TMEM108: variants seen among roughly 807,000 people sequenced by gnomAD.
The protein encoded by TMEM108 is transmembrane protein 108.
A neutral mutation model predicts 35.1 loss-of-function variants in TMEM108; 12 were observed. The ratio of observed to expected loss-of-function variants is 0.34; its 90% CI spans 0.22 to 0.55. The LOEUF (loss-of-function observed/expected upper bound fraction) is 0.55. Ranked by LOEUF, TMEM108 falls within the 20% of genes least tolerant of loss-of-function variation. The probability of loss-of-function intolerance (pLI) is 0.89; values close to 1 mark genes in which losing one functional copy is unlikely to be tolerated. For synonymous variants in TMEM108, 287 were observed against 308.6 expected (o/e 0.93, Z 0.73); for missense variants, 680 against 753.3 (o/e 0.90, Z 1.14).
At chr3:133,324,562 T>G (rs2071306288) in intron 3 of TMEM108, among the ~76,000 whole-genome samples, 1 of 152,224 alleles carries the variant, frequency 6.6e-6, no homozygotes, top group Admixed American at 6.5e-5. Flanking sequence ...ACTTTTACAC[T>G]GTTGGTGGAA....
intron 3 of TMEM108, among the ~76,000 whole-genome samples, chr3:133,296,306 A>T (rs1395281780): frequency 6.6e-6 from 1 of 152,220 alleles, no homozygotes; most frequent in Admixed American, 6.5e-5. Flanking sequence ...ATCTGCCCCC[A>T]GAGCCCTTGC....
chr3:133,052,533 C>T (rs1168891417), intron 2 of TMEM108, among the ~76,000 whole-genome samples: 8 of 128,460 alleles, frequency 6.2e-5, no homozygotes, highest in Non-Finnish European at 9.9e-5. Context: ...ACTTCTAGTA[C>T]AATGTTTGAA....
At chr3:133,091,176 G>A (rs1050848420) in intron 2 of TMEM108, among the ~76,000 whole-genome samples, 2 of 151,996 alleles carry the variant, frequency 1.3e-5, no homozygotes, top group African/African-American at 4.8e-5. Flanking sequence ...GATAAAACAT[G>A]GTATCTTATT....
At chr3:133,313,413 C>T (rs1054151556) in intron 3 of TMEM108, among the ~76,000 whole-genome samples, 2 of 152,120 alleles carry the variant, frequency 1.3e-5, no homozygotes, top group African/African-American at 4.8e-5. Flanking sequence ...TCCCAATCTC[C>T]TGACCTCGTG....
intron 2 of TMEM108, among the ~76,000 whole-genome samples, chr3:133,083,151 A>G (rs1486394547): frequency 2.0e-5 from 3 of 151,688 alleles, no homozygotes; most frequent in Admixed American, 2.0e-4. Flanking sequence ...TTCGCCTCTC[A>G]AGAGACATTA....
At chr3:133,150,844 C>T (rs142904713) in intron 2 of TMEM108, among the ~76,000 whole-genome samples, 63 of 152,192 alleles carry the variant, frequency 4.1e-4, no homozygotes, top group African/African-American at 1.4e-3. Context: ...AAGACTCCCA[C>T]CTTCCTTTCC....
chr3:133,258,812 A>G (rs1464347388), intron 3 of TMEM108, among the ~76,000 whole-genome samples: 1 of 152,240 alleles, frequency 6.6e-6, no homozygotes, highest in Non-Finnish European at 1.5e-5. Context: ...GTTATCCAAG[A>G]GAAAAAGTTT....
chr3:133,362,908 A>T (rs2072395310), intron 3 of TMEM108, among the ~76,000 whole-genome samples: 1 of 152,128 alleles, frequency 6.6e-6, no homozygotes, highest in South Asian at 2.1e-4. Flanking sequence ...GTTTAGATCC[A>T]ATTTGTTCTT....
rs571283571 is a variant in TMEM108, at chr3:133,060,279, G to A, written c.-47+14259G>A. On this transcript the variant is annotated intron_variant, in intron 2 of 5. Transcript: ENST00000321871. ...GGTCTGAGAAGGCTGTTATGAGGAC[G>A]TAATGTTTAAGCTAAGGATTATCAA... 2.0e-3 allele frequency among the ~76,000 whole-genome samples: 306 copies of A among 152,282 alleles called. 1 individual carries two copies. Among genetic ancestry groups the A allele is most frequent in the African/African-American group, 6.9e-3 (288 of 41,550 alleles).
chr3:133,332,500 C>T (rs1480257825), intron 3 of TMEM108, among the ~76,000 whole-genome samples: 1 of 152,228 alleles, frequency 6.6e-6, no homozygotes, highest in Non-Finnish European at 1.5e-5. Flanking sequence ...CCAACAGTGA[C>T]ACACAGGGAC....
intron 2 of TMEM108, among the ~76,000 whole-genome samples, chr3:133,220,701 T>A (rs1241489421): frequency 6.6e-6 from 1 of 152,180 alleles, no homozygotes; most frequent in Non-Finnish European, 1.5e-5. Context: ...TATCCTATAA[T>A]TCAATTTTTA....
At chr3:133,162,919 T>C (rs927241527) in intron 2 of TMEM108, among the ~76,000 whole-genome samples, 1 of 152,222 alleles carries the variant, frequency 6.6e-6, no homozygotes, top group African/African-American at 2.4e-5. Context: ...AACAGTTTGC[T>C]GGGTATGTGG....
intron 3 of TMEM108, among the ~76,000 whole-genome samples, chr3:133,345,754 C>A (rs899298469): frequency 6.6e-6 from 1 of 151,880 alleles, no homozygotes; most frequent in Non-Finnish European, 1.5e-5. Context: ...GGCAATATTG[C>A]TTGAAAAGGA....
chr3:133,284,117 T>C (rs1946952645), intron 3 of TMEM108, among the ~76,000 whole-genome samples: 1 of 152,226 alleles, frequency 6.6e-6, no homozygotes, highest in African/African-American at 2.4e-5. Flanking sequence ...TGCAGCCAGC[T>C]ATGTCTTTCT....
chr3:133,291,776 C>T lies in TMEM108; in HGVS notation c.40+62425C>T, dbSNP rs115277209. ...TGCCTAAGATGCAGAAGGCAGGGTT[C>T]CTCAAGGTACCTGGAGCCGTTTCAA... On this transcript the variant is annotated intron_variant, in intron 3 of 5. Transcript: ENST00000321871. Among the ~76,000 whole-genome samples the T allele has an allele frequency of 2.5e-3, 379 of 152,278 alleles. 1 individual carries two copies. Among genetic ancestry groups the T allele is most frequent in the African/African-American group, 8.6e-3 (359 of 41,560 alleles).
chr3:133,201,956 C>T (rs897779514), intron 2 of TMEM108, among the ~76,000 whole-genome samples: 1 of 152,198 alleles, frequency 6.6e-6, no homozygotes, highest in African/African-American at 2.4e-5. Context: ...TCCTCTCCAG[C>T]ATCTGTTCTT....
intron 2 of TMEM108, among the ~76,000 whole-genome samples, chr3:133,146,482 A>G (rs1364504659): frequency 2.0e-5 from 3 of 152,218 alleles, no homozygotes; most frequent in African/African-American, 7.2e-5. Flanking sequence ...GACTCTTAAA[A>G]TGAGTTAGGG....
chr3:133,197,410 G>A (rs1945594880), intron 2 of TMEM108, among the ~76,000 whole-genome samples: 1 of 152,056 alleles, frequency 6.6e-6, no homozygotes, highest in Admixed American at 6.5e-5. Context: ...GCCAACATAG[G>A]GGTGTGTTAC....
chr3:133,178,200 G>C lies in TMEM108; in HGVS notation c.-46-51066G>C, dbSNP rs1048619562. On this transcript the variant is annotated intron_variant, in intron 2 of 5. Transcript: ENST00000321871. ...AATGGAAGAACATTCCATACTCATG[G>C]ATAGGAAGAATCAATATCGTGAAAA... 3.2e-4 allele frequency among the ~76,000 whole-genome samples: 48 copies of C among 152,298 alleles called. 2 individuals are homozygous for C. The highest frequency in any genetic ancestry group is 2.3e-3 in the Admixed American group (35 of 15,290).
Sources: gnomAD v4.1 joint callset for allele counts (sites outside exome capture counted in the v4.1 genomes callset) on GRCh38, gnomAD v4.1.1 for gene constraint, MANE v1.5 for transcripts, NCBI Gene and HGNC (gene_info 2026-07-23, HGNC 2026-07-21) for gene names.